Variants in SMYD3 observed in about 807,000 individuals in gnomAD.
The protein encoded by SMYD3 is histone-lysine N-methyltransferase SMYD3.
A neutral mutation model predicts 57.7 loss-of-function variants in SMYD3; 36 were observed. That is an observed-to-expected ratio of 0.62 (90% confidence interval 0.48 to 0.82). The LOEUF (loss-of-function observed/expected upper bound fraction) is 0.82, where lower values mean the gene tolerates loss of function less well. Ranked by LOEUF, SMYD3 falls within the 40% of genes least tolerant of loss-of-function variation. SMYD3 has a pLI of 0.00. For synonymous variants in SMYD3, 211 were observed against 195.0 expected, an observed-to-expected ratio of 1.08 and a Z score of -0.68; for missense variants, 515 against 538.8, an observed-to-expected ratio of 0.96 and a Z score of 0.44.
At chr1:245,996,900 C>T (rs753611688) in intron 5 of SMYD3, among the ~76,000 whole-genome samples, 7 of 152,220 alleles carry the variant, frequency 4.6e-5, no homozygotes, top group Admixed American at 6.5e-5. Context: ...TAGCAAGATG[C>T]CTCTGTGCTT....
In SMYD3 at chr1:246,127,827, C is replaced by T. The variant is rs139081692; in HGVS notation, c.532-197890G>A. On this transcript the variant is annotated intron_variant, in intron 5 of 11. Transcript: ENST00000490107. The stretch of plus-strand genomic sequence containing the variant: ...AGGAGAATCACTTGAACCTGGGAGG[C>T]GGAGGTTGCAGTGAGCCACGATCAC... Among the ~76,000 whole-genome samples the T allele has an allele frequency of 1.4e-3, 207 of 151,710 alleles. 2 individuals carry two copies. The highest frequency in any genetic ancestry group is 4.8e-3 in the African/African-American group (197 of 41,336).
chr1:245,749,439 T>C lies in SMYD3; in HGVS notation c.*124A>G, dbSNP rs1356277532. The C allele has an allele frequency of 2.3e-4, 154 of 676,630 alleles. No homozygotes were observed. The highest frequency in any genetic ancestry group is 1.7e-4 in the Non-Finnish European group (69 of 398,714). The allele number at this position is 676,630 out of a possible 1,614,324, so 41.9% of individuals were successfully genotyped here. A position where few individuals can be genotyped will look rare whatever the true frequency, so the allele number is the denominator to read the frequency against. On this transcript the variant is annotated 3_prime_UTR_variant, in exon 12 of 12. Coordinates refer to ENST00000490107, the MANE Select transcript of SMYD3 (RefSeq NM_001167740.2). ...CAAACCATGTCTGCCTTTATTTACC[T>C]ACACAAACACGGAACAGAATTTCCA...
chr1:246,272,033 T>C (rs1281653037), intron 5 of SMYD3, among the ~76,000 whole-genome samples: 2 of 152,226 alleles, frequency 1.3e-5, no homozygotes, highest in Non-Finnish European at 2.9e-5. Context: ...TCCTAAGTAT[T>C]TTATTCTTTT....
chr1:246,390,966 C>T (rs1345650553), intron 1 of SMYD3, among the ~76,000 whole-genome samples: 1 of 152,074 alleles, frequency 6.6e-6, no homozygotes, highest in Non-Finnish European at 1.5e-5. Flanking sequence ...ACAAAAAAGA[C>T]ATCAAACCTA....
At chr1:246,179,110 G>T (rs2062486102) in intron 5 of SMYD3, 1 of 155,840 alleles carries the variant, frequency 6.4e-6, no homozygotes, top group Middle Eastern at 6.7e-4. Context: ...ACAGGAAGAG[G>T]AAGAGGAGGA....
At chr1:246,011,271 T>C (rs1221632818) in intron 5 of SMYD3, among the ~76,000 whole-genome samples, 1 of 152,192 alleles carries the variant, frequency 6.6e-6, no homozygotes, top group Admixed American at 6.5e-5. Context: ...TCCTCCTCTC[T>C]GGGACTTCAT....
intron 5 of SMYD3, among the ~76,000 whole-genome samples, chr1:246,089,557 CAT>C (rs967722297): frequency 1.6e-4 from 24 of 152,168 alleles, no homozygotes; most frequent in Admixed American, 1.5e-3. Context: ...GAGAAAGGAA[CAT>C]ATGAATCTTC....
chr1:246,083,409 ACCCTCTC>A (rs1446485338), intron 5 of SMYD3, among the ~76,000 whole-genome samples: 1 of 151,930 alleles, frequency 6.6e-6, no homozygotes, highest in Non-Finnish European at 1.5e-5. Context: ...TTTCCTGCAG[ACCCTCTC>A]CCCACTATTA....
At chr1:246,382,550 C>T (rs976433789) in intron 1 of SMYD3, among the ~76,000 whole-genome samples, 4 of 151,936 alleles carry the variant, frequency 2.6e-5, no homozygotes, top group East Asian at 3.9e-4. Flanking sequence ...CCAGGCCAAT[C>T]CCAGGCTCTA....
intron 2 of SMYD3, among the ~76,000 whole-genome samples, chr1:246,339,102 G>T (rs1442628990): frequency 1.3e-5 from 2 of 152,092 alleles, no homozygotes; most frequent in Non-Finnish European, 2.9e-5. Flanking sequence ...TAACAGCACT[G>T]AATTTTCTAG....
intron 5 of SMYD3, among the ~76,000 whole-genome samples, chr1:246,261,779 GA>G (rs1217367032): frequency 6.6e-6 from 1 of 152,138 alleles, no homozygotes; most frequent in Non-Finnish European, 1.5e-5. Flanking sequence ...GGAAAAAGAG[GA>G]AAATCATATT....
intron 5 of SMYD3, among the ~76,000 whole-genome samples, chr1:245,978,148 T>C (rs548457457): frequency 9.3e-4 from 142 of 152,292 alleles, no homozygotes; most frequent in African/African-American, 3.2e-3. Context: ...CGCTTCCAAG[T>C]CGGAACATCC....
chr1:246,014,485 G>A (rs1242905592), intron 5 of SMYD3, among the ~76,000 whole-genome samples: 3 of 152,088 alleles, frequency 2.0e-5, no homozygotes, highest in Non-Finnish European at 4.4e-5. Flanking sequence ...AGAGTCACGG[G>A]CTTATCCCTG....
intron 10 of SMYD3, among the ~76,000 whole-genome samples, chr1:245,856,306 C>A (rs2051237088): frequency 6.6e-6 from 1 of 152,214 alleles, no homozygotes; most frequent in African/African-American, 2.4e-5. Context: ...ATGATTCGTA[C>A]CTCACTCATG....
chr1:245,754,836 G>A lies in SMYD3; in HGVS notation c.1186-5172C>T, dbSNP rs759155131. 2.0e-4 allele frequency among the ~76,000 whole-genome samples: 30 copies of A among 152,188 alleles called. 1 individual carries two copies. Among genetic ancestry groups the A allele is most frequent in the South Asian group, 6.2e-4 (3 of 4,832 alleles). Reference sequence around the variant, plus strand: ...GGAGAAGCTCTGGCATAGTCAGAGGGACAGAATGTAAATACCAGATCATTG... The same window carrying A: ...GGAGAAGCTCTGGCATAGTCAGAGGAACAGAATGTAAATACCAGATCATTG... On this transcript the variant is annotated intron_variant, in intron 11 of 11. Transcript: ENST00000490107.
At chr1:245,987,091 A>G (rs1041919424) in intron 5 of SMYD3, among the ~76,000 whole-genome samples, 1 of 152,224 alleles carries the variant, frequency 6.6e-6, no homozygotes. Flanking sequence ...CAGTCTTGGA[A>G]TCAACACACT....
intron 5 of SMYD3, among the ~76,000 whole-genome samples, chr1:246,188,808 A>G (rs561255555): frequency 6.6e-6 from 1 of 152,040 alleles, no homozygotes; most frequent in South Asian, 2.1e-4. Context: ...TAAAAACACA[A>G]AAAAGAGCCA....
chr1:246,306,387 A>AT (rs374847256), intron 5 of SMYD3, among the ~76,000 whole-genome samples: 1 of 151,768 alleles, frequency 6.6e-6, no homozygotes, highest in African/African-American at 2.4e-5. Context: ...ACTTTGTGCC[A>AT]TTTTTTCCCT....
At chr1:246,215,532 T>C (rs1270027738) in intron 5 of SMYD3, among the ~76,000 whole-genome samples, 2 of 152,152 alleles carry the variant, frequency 1.3e-5, no homozygotes, top group Non-Finnish European at 2.9e-5. Context: ...TAAAGAAAGT[T>C]ACCAGTAATG....
Sources: gnomAD v4.1 joint callset for allele counts (sites outside exome capture counted in the v4.1 genomes callset) on GRCh38, gnomAD v4.1.1 for gene constraint, MANE v1.5 for transcripts, NCBI Gene and HGNC (gene_info 2026-07-23, HGNC 2026-07-21) for gene names.